Variants in LRRC28 observed in about 807,000 individuals in gnomAD.
LRRC28 encodes the protein leucine rich repeat containing 28, also known as leucine-rich repeat-containing protein 28.
In LRRC28, 39 loss-of-function variants were observed where a neutral mutation model predicts 45.7. The ratio of observed to expected loss-of-function variants is 0.85; its 90% CI spans 0.66 to 1.12. LRRC28 has a LOEUF of 1.12. LRRC28 is among the 50% of genes most tolerant of loss of function. The probability of loss-of-function intolerance (pLI) is 0.00; values close to 1 mark genes in which losing one functional copy is unlikely to be tolerated. For synonymous variants in LRRC28, 206 were observed against 178.8 expected (o/e 1.15, Z -1.22); for missense variants, 435 against 438.5 (o/e 0.99, Z 0.07).
intron 9 of LRRC28, among the ~76,000 whole-genome samples, chr15:99,363,810 A>G (rs1042287794): frequency 1.3e-5 from 2 of 152,206 alleles, no homozygotes; most frequent in Non-Finnish European, 2.9e-5. Context: ...AAACCCCAAT[A>G]GTTCTACTTT....
rs370210977 is a variant in LRRC28, at chr15:99,347,249, A to G, written c.593-5120A>G. ...TTTTTAGATGGAGTCTCCCTCTGTC[A>G]CCCAGGCTGGAGTGCAGTGGTGCTA... On this transcript the variant is annotated intron_variant, in intron 6 of 9. Transcript: ENST00000301981. 3.5e-4 allele frequency among the ~76,000 whole-genome samples: 53 copies of G among 149,366 alleles called. No individual in the cohort carries two copies. In the East Asian group the frequency reaches 4.4e-3, roughly 12 times the overall value.
chr15:99,358,906 C>T (rs1003753644), intron 7 of LRRC28, among the ~76,000 whole-genome samples: 7 of 152,002 alleles, frequency 4.6e-5, no homozygotes, highest in South Asian at 2.1e-4. Context: ...GGTGAAACCC[C>T]GTCTCTACTA....
At chr15:99,291,409 C>T (rs2082118087) in intron 5 of LRRC28, among the ~76,000 whole-genome samples, 1 of 152,310 alleles carries the variant, frequency 6.6e-6, no homozygotes. Flanking sequence ...ATTTGATTCA[C>T]TTTATGCATC....
intron 5 of LRRC28, among the ~76,000 whole-genome samples, chr15:99,301,067 C>A (rs968444170): frequency 2.6e-5 from 4 of 152,150 alleles, no homozygotes; most frequent in Non-Finnish European, 5.9e-5. Context: ...GTATTTTTAT[C>A]CATCAGAGGA....
At chr15:99,352,634 A>C in intron 7 of LRRC28, 163 bp downstream of exon 7, 1 of 534,972 alleles carries the variant, frequency 1.9e-6, no homozygotes, top group Non-Finnish European at 3.3e-6. Context: ...TTCAGTCAGT[A>C]AGTTATTATT....
chr15:99,328,062 G>C (rs1956041462), intron 5 of LRRC28, among the ~76,000 whole-genome samples: 1 of 152,078 alleles, frequency 6.6e-6, no homozygotes, highest in Non-Finnish European at 1.5e-5. Flanking sequence ...TTACCTTTTG[G>C]TCAGAGAACA....
chr15:99,276,758 G>T, intron 3 of LRRC28, 142 bp downstream of exon 3: 1 of 519,168 alleles, frequency 1.9e-6, no homozygotes, highest in Non-Finnish European at 3.2e-6. Context: ...GTAGACCTGT[G>T]GTTCTACTAA....
chr15:99,327,846 C>T (rs1956034575), intron 5 of LRRC28, among the ~76,000 whole-genome samples: 3 of 152,036 alleles, frequency 2.0e-5, no homozygotes, highest in South Asian at 4.1e-4. Context: ...TATAGGCATT[C>T]GAAGCTTTAA....
chr15:99,334,983 T>G (rs1255366810), intron 6 of LRRC28, among the ~76,000 whole-genome samples: 1 of 152,164 alleles, frequency 6.6e-6, no homozygotes, highest in African/African-American at 2.4e-5. Flanking sequence ...AACTTTAAAA[T>G]AATGGATACA....
intron 5 of LRRC28, among the ~76,000 whole-genome samples, chr15:99,292,359 C>CTTTTT (rs35435895): frequency 0.083 from 10,982 of 132,786 alleles, 722 homozygotes; most frequent in East Asian, 0.29. Context: ...ATCGTACAGT[C>CTTTTT]TTTTTTTTTT....
chr15:99,290,571 A>G (rs1470919391), intron 5 of LRRC28, among the ~76,000 whole-genome samples: 1 of 152,198 alleles, frequency 6.6e-6, no homozygotes. Context: ...CCTATATGAA[A>G]CTTACATAAG....
At chr15:99,381,204 C>T (rs992520544) in intron 9 of LRRC28, among the ~76,000 whole-genome samples, 9 of 152,136 alleles carry the variant, frequency 5.9e-5, no homozygotes, top group African/African-American at 2.4e-5. Context: ...CACATAGTCC[C>T]ATATTTCTTG....
At chr15:99,289,721 C>G (rs1474429836) in intron 5 of LRRC28, among the ~76,000 whole-genome samples, 1 of 149,106 alleles carries the variant, frequency 6.7e-6, no homozygotes, top group Non-Finnish European at 1.5e-5. Flanking sequence ...ATCATGAGGT[C>G]AGGAGATCGA....
intron 9 of LRRC28, among the ~76,000 whole-genome samples, chr15:99,378,534 T>C (rs1324855826): frequency 6.6e-6 from 1 of 152,174 alleles, no homozygotes; most frequent in Non-Finnish European, 1.5e-5. Context: ...CCTTTATTTA[T>C]TTCTCCTGCC....
At chr15:99,375,955 G>T (rs1295072251) in intron 9 of LRRC28, among the ~76,000 whole-genome samples, 2 of 151,878 alleles carry the variant, frequency 1.3e-5, no homozygotes, top group South Asian at 4.1e-4. Context: ...TCTTCTGCTT[G>T]CTTTGGGCTT....
At chr15:99,326,002 G>T (rs1295609413) in intron 5 of LRRC28, among the ~76,000 whole-genome samples, 1 of 152,146 alleles carries the variant, frequency 6.6e-6, no homozygotes, top group East Asian at 1.9e-4. Flanking sequence ...GCAAGAGATG[G>T]TAATAGGCTG....
intron 1 of LRRC28, among the ~76,000 whole-genome samples, chr15:99,254,139 T>C (rs528099186): frequency 3.9e-5 from 6 of 152,352 alleles, no homozygotes; most frequent in Admixed American, 3.9e-4. Context: ...TCATTGATGT[T>C]ATTTGTAGTC....
intron 5 of LRRC28, among the ~76,000 whole-genome samples, chr15:99,298,692 A>T (rs190024649): frequency 2.9e-4 from 44 of 152,300 alleles, no homozygotes; most frequent in Non-Finnish European, 4.9e-4. Flanking sequence ...TTTCTTAGAC[A>T]CAACCTATTA....
intron 9 of LRRC28, among the ~76,000 whole-genome samples, chr15:99,363,784 G>T (rs1957270691): frequency 2.0e-5 from 3 of 152,104 alleles, no homozygotes; most frequent in Non-Finnish European, 4.4e-5. Context: ...AATTTGCGAA[G>T]AATGTTCACT....
Sources: allele counts gnomAD v4.1 joint callset (sites outside exome capture counted in the v4.1 genomes callset), GRCh38; gene constraint gnomAD v4.1.1; transcripts MANE v1.5; gene names NCBI Gene and HGNC (gene_info 2026-07-23, HGNC 2026-07-21).